TBC1D5: variants seen among roughly 807,000 people sequenced by gnomAD.
TBC1D5 encodes TBC1 domain family, member 5.
A neutral mutation model predicts 100.3 loss-of-function variants in TBC1D5; 75 were observed. The ratio of observed to expected loss-of-function variants is 0.75; its 90% CI spans 0.62 to 0.91. The LOEUF is 0.91. TBC1D5 is among the 40% of genes least tolerant of loss of function. The probability of loss-of-function intolerance (pLI) is 0.00; values close to 1 mark genes in which losing one functional copy is unlikely to be tolerated. For synonymous variants in TBC1D5, 323 were observed against 325.6 expected (o/e 0.99, Z 0.09); for missense variants, 910 against 942.4 (o/e 0.97, Z 0.45).
intron 13 of TBC1D5, among the ~76,000 whole-genome samples, chr3:17,370,595 G>C (rs566579776): frequency 2.0e-5 from 3 of 152,256 alleles, no homozygotes; most frequent in Admixed American, 2.0e-4. Context: ...ATGAGGTTAA[G>C]CTAAAGTAAG....
chr3:17,217,215 C>A (rs2073756209), intron 17 of TBC1D5, among the ~76,000 whole-genome samples: 1 of 152,076 alleles, frequency 6.6e-6, no homozygotes, highest in African/African-American at 2.4e-5. Context: ...CACTTCATTC[C>A]TTTTAGTTGC....
At chr3:17,517,130 A>G (rs2096000538) in intron 2 of TBC1D5, among the ~76,000 whole-genome samples, 1 of 152,228 alleles carries the variant, frequency 6.6e-6, no homozygotes, top group African/African-American at 2.4e-5. Flanking sequence ...ACCTTGATCT[A>G]GGTCACACTC....
chr3:17,713,033 T>A (rs531912916), intron 1 of TBC1D5, among the ~76,000 whole-genome samples: 1 of 152,272 alleles, frequency 6.6e-6, no homozygotes, highest in African/African-American at 2.4e-5. Flanking sequence ...ACCCCTGACT[T>A]AAACCTCTCT....
chr3:17,740,717 G>A (rs1253146277), exon 1 of TBC1D5: 1 of 152,156 alleles, frequency 6.6e-6, no homozygotes, highest in Non-Finnish European at 1.5e-5. Context: ...CTCAACTGAG[G>A]CCGCATTTGA....
At chr3:17,250,627 T>C (rs1453756895) in intron 16 of TBC1D5, among the ~76,000 whole-genome samples, 2 of 152,242 alleles carry the variant, frequency 1.3e-5, no homozygotes, top group Admixed American at 1.3e-4. Flanking sequence ...CATTTTCCTA[T>C]AACGGGAAAT....
intron 1 of TBC1D5, among the ~76,000 whole-genome samples, chr3:17,635,346 C>T (rs1459373592): frequency 6.6e-6 from 1 of 152,154 alleles, no homozygotes; most frequent in African/African-American, 2.4e-5. Flanking sequence ...AAAGACATAA[C>T]ATTGATGAAA....
chr3:17,488,662 T>C lies in TBC1D5; in HGVS notation c.97+19812A>G, dbSNP rs80343222. On this transcript the variant is annotated intron_variant, in intron 3 of 21. Coordinates refer to ENST00000253692, the Ensembl canonical transcript of TBC1D5. ...TTTTATGTTGTCATTGTTTAGGATC[T>C]TAATCCTGCAAATATGTATATAGTG... Among the ~76,000 whole-genome samples the C allele has an allele frequency of 2.0e-4, 30 of 152,308 alleles. 1 individual carries two copies. In the East Asian group the frequency reaches 5.6e-3, roughly 28 times the overall value.
chr3:17,547,765 C>A (rs955581599), intron 2 of TBC1D5, among the ~76,000 whole-genome samples: 2 of 152,260 alleles, frequency 1.3e-5, no homozygotes, highest in African/African-American at 2.4e-5. Context: ...TCACACTGCA[C>A]ATGAGGATAG....
chr3:17,534,572 T>C (rs1404774568), intron 2 of TBC1D5, among the ~76,000 whole-genome samples: 5 of 152,198 alleles, frequency 3.3e-5, no homozygotes, highest in Non-Finnish European at 7.4e-5. Context: ...GCTTCTGAGA[T>C]AGCATATCTA....
intron 2 of TBC1D5, among the ~76,000 whole-genome samples, chr3:17,593,620 C>G (rs955235404): frequency 1.3e-5 from 2 of 152,222 alleles, no homozygotes; most frequent in Non-Finnish European, 2.9e-5. Flanking sequence ...GACTAGCACC[C>G]ATGTACTCAT....
chr3:17,284,142 G>A (rs1309240379), intron 15 of TBC1D5, among the ~76,000 whole-genome samples: 2 of 100,490 alleles, frequency 2.0e-5, no homozygotes, highest in Non-Finnish European at 4.4e-5. Flanking sequence ...AATTTAGACA[G>A]AGTCTTGGTC....
At chr3:17,444,471 G>A (rs1483152050) in intron 3 of TBC1D5, among the ~76,000 whole-genome samples, 2 of 151,940 alleles carry the variant, frequency 1.3e-5, no homozygotes, top group African/African-American at 4.8e-5. Context: ...AATAATCAAT[G>A]TATGTCCTAT....
chr3:17,594,313 T>G (rs1409732546), intron 2 of TBC1D5, among the ~76,000 whole-genome samples: 1 of 152,172 alleles, frequency 6.6e-6, no homozygotes, highest in Non-Finnish European at 1.5e-5. Context: ...TTACCATGCC[T>G]TGTGATTAAG....
chr3:17,508,699 C>T (rs1165587294), intron 2 of TBC1D5, 94 bp from the exon 3 acceptor site: 1 of 561,370 alleles, frequency 1.8e-6, no homozygotes, highest in Non-Finnish European at 3.1e-6. Context: ...ATGAGCATTA[C>T]AGACATTAAC....
At chr3:17,166,674 G>T in intron 21 of TBC1D5, 93 bp downstream of exon 22, 1 of 1,502,606 alleles carries the variant, frequency 6.7e-7, no homozygotes, top group Non-Finnish European at 8.9e-7. Flanking sequence ...GTAATTTGAA[G>T]TAACTTTGGT....
chr3:17,422,232 G>A (rs1220251822), intron 4 of TBC1D5, among the ~76,000 whole-genome samples: 1 of 152,042 alleles, frequency 6.6e-6, no homozygotes, highest in Admixed American at 6.6e-5. Context: ...ACAGTGGTGC[G>A]ATCTTGGCTC....
At chr3:17,660,536 A>G (rs1021914548) in intron 1 of TBC1D5, among the ~76,000 whole-genome samples, 9 of 152,202 alleles carry the variant, frequency 5.9e-5, no homozygotes, top group Non-Finnish European at 1.2e-4. Context: ...GGCCAATAAA[A>G]CTGAAGGAAA....
chr3:17,188,413 C>T (rs1401975402), intron 18 of TBC1D5, among the ~76,000 whole-genome samples: 1 of 152,122 alleles, frequency 6.6e-6, no homozygotes, highest in Admixed American at 6.5e-5. Context: ...AAAAAGGCAA[C>T]TTTGAATCAG....
In TBC1D5 at chr3:17,348,212, T is replaced by G. The variant is rs1009017839; in HGVS notation, c.995+23863A>C. On this transcript the variant is annotated intron_variant, in intron 13 of 21. Transcript: ENST00000253692. The stretch of plus-strand genomic sequence containing the variant: ...AATAGCATTGTGTATTTGCTGAAAA[T>G]CACCTTGGAACTATCACAGCCCCAT... Among the ~76,000 whole-genome samples the G allele has an allele frequency of 9.8e-5, 15 of 152,322 alleles. No individual in the cohort carries two copies. In the East Asian group the frequency reaches 2.9e-3, roughly 29 times the overall value.
Sources: gnomAD v4.1 joint callset for allele counts (sites outside exome capture counted in the v4.1 genomes callset) on GRCh38, gnomAD v4.1.1 for gene constraint, MANE v1.5 for transcripts, NCBI Gene and HGNC (gene_info 2026-07-23, HGNC 2026-07-21) for gene names.